Variants in CNOT2 observed in about 807,000 individuals in gnomAD.
The protein encoded by CNOT2 is CC chemokine receptor 4-negative regulator of transcription 2.
In CNOT2, 7 loss-of-function variants were observed where a neutral mutation model predicts 72.1. The observed-to-expected ratio is 0.10, with a 90% CI of 0.06 to 0.18. The LOEUF (loss-of-function observed/expected upper bound fraction) is 0.18. CNOT2 is among the 10% of genes least tolerant of loss of function. The pLI, the probability that CNOT2 is intolerant of heterozygous loss-of-function variation, is 1.00. For synonymous variants in CNOT2, 196 were observed against 225.6 expected (o/e 0.87, Z 1.17); for missense variants, 345 against 660.3 (o/e 0.52, Z 5.23).
At chr12:70,323,540 GA>G (rs1878622586) in intron 4 of CNOT2, 1 of 151,720 alleles carries the variant, frequency 6.6e-6, no homozygotes. Context: ...AAATGATTAG[GA>G]AAAGAATTTA....
intron 7 of CNOT2, 161 bp from the exon 8 acceptor site, chr12:70,335,277 A>G (rs1033479858): frequency 6.1e-6 from 3 of 493,150 alleles, no homozygotes; most frequent in African/African-American, 5.8e-5. Context: ...ACATGAAATC[A>G]ATCTGCAAGT....
intron 2 of CNOT2, chr12:70,307,977 T>G (rs1171616938): frequency 6.6e-6 from 1 of 151,796 alleles, no homozygotes; most frequent in African/African-American, 2.4e-5. Flanking sequence ...TAACAAAGAA[T>G]AAAATCCAAA....
intron 15 of CNOT2, among the ~76,000 whole-genome samples, chr12:70,353,231 C>G (rs1361082510): frequency 6.6e-6 from 1 of 151,792 alleles, no homozygotes; most frequent in Non-Finnish European, 1.5e-5. Flanking sequence ...CACCACTACG[C>G]CCAGCTAATT....
At chr12:70,335,665 T>C in intron 8 of CNOT2, 102 bp downstream of exon 8, 3 of 792,906 alleles carry the variant, frequency 3.8e-6, no homozygotes, top group Non-Finnish European at 6.0e-6. Context: ...TGTGTACACA[T>C]GTATGTTTGC....
At chr12:70,340,423 A>C (rs749942491) in intron 11 of CNOT2, among the ~76,000 whole-genome samples, 8 of 152,048 alleles carry the variant, frequency 5.3e-5, no homozygotes, top group Admixed American at 4.6e-4. Context: ...TTATTGTTTT[A>C]AATACCATAT....
rs531876014 is a variant in CNOT2 at position 70,303,779 on chromosome 12, G to A, written c.49-7116G>A. Reference sequence around the variant, plus strand: ...ATGTTGGCCTGCCTTGCCAGACTGGGGAAGTTCTCCTGGATAATATCCTCC... The same window carrying A: ...ATGTTGGCCTGCCTTGCCAGACTGGAGAAGTTCTCCTGGATAATATCCTCC... On this transcript the variant is annotated intron_variant, in intron 2 of 15. Transcript: ENST00000229195. 2.6e-5 allele frequency among the ~76,000 whole-genome samples: 4 copies of A among 152,206 alleles called. No individual in the cohort carries two copies. In the East Asian group the frequency reaches 7.7e-4, roughly 29 times the overall value.
intron 1 of CNOT2, among the ~76,000 whole-genome samples, chr12:70,273,005 A>G (rs1459715192): frequency 6.6e-6 from 1 of 152,084 alleles, no homozygotes; most frequent in Non-Finnish European, 1.5e-5. Flanking sequence ...TGCCATCCAC[A>G]TCTGCTCAGA....
rs535678037 is a variant in CNOT2, at chr12:70,283,263, T to C, written c.48+4989T>C. Among the ~76,000 whole-genome samples, 292 of 152,242 alleles carry C rather than the reference T, an allele frequency of 1.9e-3. 2 individuals are homozygous for C. The highest frequency in any genetic ancestry group is 6.9e-3 in the African/African-American group (287 of 41,534). On this transcript the variant is annotated intron_variant, in intron 2 of 15. Coordinates refer to ENST00000229195, the MANE Select transcript of CNOT2 (RefSeq NM_014515.7). The stretch of plus-strand genomic sequence containing the variant: ...ATCTTAGAATCTATGATATATAGTA[T>C]GTTAAAGATATATAATGAATATAAA...
chr12:70,337,948 C>T, intron 9 of CNOT2: 1 of 302,756 alleles, frequency 3.3e-6, no homozygotes, highest in Non-Finnish European at 6.3e-6. Flanking sequence ...TAGCTTTTCT[C>T]TGTGTGTGAT....
In CNOT2 at chr12:70,342,573, CTTATT is replaced by C. The variant is rs1173323597; in HGVS notation, c.1290+271_1290+275del. The stretch of plus-strand genomic sequence containing the variant: ...ATTTGATAAATATCCTTCTGATAAT[CTTATT>C]TTATGACCTTACCAGTAAAAAGATT... On this transcript the variant is annotated intron_variant, in intron 13 of 15. Transcript: ENST00000229195. Among the ~76,000 whole-genome samples, 7 of 152,224 alleles carry C rather than the reference CTTATT, an allele frequency of 4.6e-5. No homozygotes were observed. In the East Asian group the frequency reaches 1.3e-3, roughly 29 times the overall value.
chr12:70,312,902 A>G (rs1876711974), intron 3 of CNOT2, among the ~76,000 whole-genome samples: 1 of 151,980 alleles, frequency 6.6e-6, no homozygotes, highest in East Asian at 1.9e-4. Flanking sequence ...ATTACCTATA[A>G]TGCTATCAGA....
At chr12:70,317,684 G>T (rs1051221206) in intron 3 of CNOT2, among the ~76,000 whole-genome samples, 1 of 143,416 alleles carries the variant, frequency 7.0e-6, no homozygotes, top group Non-Finnish European at 1.5e-5. Context: ...CTTTAGAGTG[G>T]TGTATAACTC....
chr12:70,268,591 G>A (rs979580912), intron 1 of CNOT2, among the ~76,000 whole-genome samples: 1 of 151,872 alleles, frequency 6.6e-6, no homozygotes, highest in African/African-American at 2.4e-5. Flanking sequence ...GGACTACAGG[G>A]TGCGTGTGCC....
At chr12:70,319,054 G>A in intron 3 of CNOT2, 1 of 311,850 alleles carries the variant, frequency 3.2e-6, no homozygotes, top group East Asian at 5.0e-5. Flanking sequence ...ACTCAAGTTA[G>A]TGTGACTTTT....
intron 3 of CNOT2, among the ~76,000 whole-genome samples, chr12:70,312,656 T>C (rs1876669265): frequency 6.6e-6 from 1 of 151,860 alleles, no homozygotes; most frequent in South Asian, 2.1e-4. Context: ...ATTAAGAACA[T>C]AGTATGGCAT....
chr12:70,325,346 C>G (rs1257893739), intron 4 of CNOT2, among the ~76,000 whole-genome samples: 5 of 151,840 alleles, frequency 3.3e-5, no homozygotes, highest in Non-Finnish European at 1.5e-5. Context: ...TAAAATTCCA[C>G]TGCCATGATT....
At chr12:70,326,147 A>AT (rs1879044807) in intron 4 of CNOT2, among the ~76,000 whole-genome samples, 1 of 151,832 alleles carries the variant, frequency 6.6e-6, no homozygotes, top group South Asian at 2.1e-4. Context: ...AGTCCTCCTA[A>AT]TATTGTGTTG....
At chr12:70,296,452 C>A (rs544546880) in intron 2 of CNOT2, among the ~76,000 whole-genome samples, 18 of 152,206 alleles carry the variant, frequency 1.2e-4, no homozygotes, top group African/African-American at 3.6e-4. Flanking sequence ...TTGGCTAAAA[C>A]AATGAGTTGC....
At chr12:70,332,588 A>C in intron 6 of CNOT2, 179 bp from the exon 7 acceptor site, 1 of 944,586 alleles carries the variant, frequency 1.1e-6, no homozygotes, top group Non-Finnish European at 1.4e-6. Context: ...TTGTTCATGG[A>C]AGGACTTTAG....
Sources: gnomAD v4.1 joint callset for allele counts (sites outside exome capture counted in the v4.1 genomes callset) on GRCh38, gnomAD v4.1.1 for gene constraint, MANE v1.5 for transcripts, NCBI Gene and HGNC (gene_info 2026-07-23, HGNC 2026-07-21) for gene names.